The following CYTH1 variants were observed in gnomAD, a reference collection of about 807,000 sequenced individuals.
The protein encoded by CYTH1 is cytohesin 1, also known as cytohesin-1.
A neutral mutation model predicts 61.8 loss-of-function variants in CYTH1; 18 were observed. The observed-to-expected ratio is 0.29, with a 90% CI of 0.20 to 0.43. The LOEUF (loss-of-function observed/expected upper bound fraction) is 0.43. Among genes scored for constraint, CYTH1 ranks in the 20% least tolerant of loss-of-function variants. The pLI, the probability that CYTH1 is intolerant of heterozygous loss-of-function variation, is 1.00. For synonymous variants in CYTH1, 174 were observed against 184.3 expected, an observed-to-expected ratio of 0.94 and a Z score of 0.45; for missense variants, 336 against 510.5, an observed-to-expected ratio of 0.66 and a Z score of 3.29.
At chr17:78,758,994 T>C (rs1297307721) in intron 1 of CYTH1, among the ~76,000 whole-genome samples, 1 of 151,878 alleles carries the variant, frequency 6.6e-6, no homozygotes, top group Non-Finnish European at 1.5e-5. Context: ...CCCTAGCTAC[T>C]CAGGAAGCTG....
intron 1 of CYTH1, among the ~76,000 whole-genome samples, chr17:78,770,148 C>CA (rs766248056): frequency 0.012 from 1,562 of 131,498 alleles, 9 homozygotes; most frequent in Non-Finnish European, 0.018. Flanking sequence ...GACTTCGTCT[C>CA]AAAAAAAAAA....
chr17:78,761,045 A>T (rs138767654), intron 1 of CYTH1, among the ~76,000 whole-genome samples: 2,263 of 151,950 alleles, frequency 0.015, 61 homozygotes, highest in East Asian at 0.11. Context: ...CATGTTGGTC[A>T]GGCTGGTCTC....
chr17:78,756,954 G>C (rs904673387), intron 1 of CYTH1, among the ~76,000 whole-genome samples: 2 of 150,936 alleles, frequency 1.3e-5, no homozygotes, highest in African/African-American at 4.9e-5. Flanking sequence ...TTCACAAGGC[G>C]GAATTTCAAG....
At chr17:78,713,737 T>C (rs1391696912) in intron 1 of CYTH1, among the ~76,000 whole-genome samples, 2 of 149,676 alleles carry the variant, frequency 1.3e-5, no homozygotes, top group Non-Finnish European at 2.9e-5. Flanking sequence ...GTCCATATAA[T>C]GAAGCTGATG....
chr17:78,717,621 G>A lies in CYTH1; in HGVS notation c.23-7889C>T, dbSNP rs1438580844. On this transcript the variant is annotated intron_variant, in intron 1 of 13. Coordinates refer to ENST00000446868, the MANE Select transcript of CYTH1 (RefSeq NM_004762.6). This position sits in a 1 kb window ranked among gnomAD's most constrained non-coding sequence, Gnocchi z 4.4. Reference sequence around the variant, plus strand: ...GAGCCCTCTTTCCAAGCCAGAGGACGATACATGAGCACACGGCGGGCTCTA... The same window carrying A: ...GAGCCCTCTTTCCAAGCCAGAGGACAATACATGAGCACACGGCGGGCTCTA... 3.3e-5 allele frequency among the ~76,000 whole-genome samples: 5 copies of A among 152,132 alleles called. No homozygotes were observed. The highest frequency in any genetic ancestry group is 7.2e-5 in the African/African-American group (3 of 41,412).
intron 1 of CYTH1, among the ~76,000 whole-genome samples, chr17:78,722,971 T>C (rs1235241215): frequency 1.3e-5 from 2 of 152,186 alleles, no homozygotes; most frequent in East Asian, 1.9e-4. Flanking sequence ...ACTACTGGCA[T>C]GTTCCTAAGT....
intron 1 of CYTH1, among the ~76,000 whole-genome samples, chr17:78,735,620 C>T (rs1245628661): frequency 6.6e-6 from 1 of 152,218 alleles, no homozygotes; most frequent in Non-Finnish European, 1.5e-5. Context: ...CCCGTGGACA[C>T]TGTCCAGGAT....
intron 10 of CYTH1, 63 bp from the exon 11 acceptor site, chr17:78,692,556 C>T: frequency 6.8e-7 from 1 of 1,470,854 alleles, no homozygotes; most frequent in Non-Finnish European, 9.5e-7. Flanking sequence ...GGCTCCACGA[C>T]ACACACGACA....
At chr17:78,743,231 A>G (rs1401311174) in intron 1 of CYTH1, among the ~76,000 whole-genome samples, 2 of 152,220 alleles carry the variant, frequency 1.3e-5, no homozygotes, top group African/African-American at 4.8e-5. Context: ...AAACACATTA[A>G]CAATCATTAT....
At chr17:78,683,576 G>A (rs1598816422) in intron 11 of CYTH1, among the ~76,000 whole-genome samples, 1 of 152,166 alleles carries the variant, frequency 6.6e-6, no homozygotes, top group South Asian at 2.1e-4. Context: ...GGAGAAGCTG[G>A]GGGTGGGAGA....
At chr17:78,719,829 G>C (rs563860423) in intron 1 of CYTH1, among the ~76,000 whole-genome samples, 2 of 152,282 alleles carry the variant, frequency 1.3e-5, no homozygotes, top group African/African-American at 2.4e-5. Flanking sequence ...ATACACTGAA[G>C]AGTTCACACC....
chr17:78,727,085 A>G (rs1407253581), intron 1 of CYTH1, among the ~76,000 whole-genome samples: 1 of 152,242 alleles, frequency 6.6e-6, no homozygotes, highest in East Asian at 1.9e-4. Context: ...AAAGCGGAAA[A>G]TGAGGCACAA....
intron 3 of CYTH1, 137 bp downstream of exon 3, chr17:78,708,060 G>T: frequency 2.5e-6 from 2 of 791,990 alleles, no homozygotes; most frequent in Non-Finnish European, 4.2e-6. Flanking sequence ...AGACATTATG[G>T]GTGTGTATGT....
Position 78,721,650 on chromosome 17 carries a change from C to A in CYTH1, c.23-11918G>T, listed in dbSNP as rs2093229707. On this transcript the variant is annotated intron_variant, in intron 1 of 13. Coordinates refer to ENST00000446868, the MANE Select transcript of CYTH1 (RefSeq NM_004762.6). ...AGGCGATGCTGCCTGGGCTTTCACT[C>A]ACTACTTTGTGACCTGGAGCAAACA... Among the ~76,000 whole-genome samples, 4 of 152,224 alleles carry A rather than the reference C, an allele frequency of 2.6e-5. No homozygotes were observed. The South Asian group carries it at 8.3e-4, about 32-fold the overall frequency.
intron 1 of CYTH1, among the ~76,000 whole-genome samples, chr17:78,769,493 C>A (rs894666398): frequency 1.4e-4 from 21 of 152,300 alleles, no homozygotes; most frequent in African/African-American, 4.8e-4. Flanking sequence ...TCTCCCCTGG[C>A]CAATCCAGTG....
At chr17:78,769,303 T>C (rs1555616529) in intron 1 of CYTH1, among the ~76,000 whole-genome samples, 1 of 152,000 alleles carries the variant, frequency 6.6e-6, no homozygotes, top group Non-Finnish European at 1.5e-5. Context: ...CTCCTCCCTC[T>C]GCTCACAGCC....
intron 1 of CYTH1, among the ~76,000 whole-genome samples, chr17:78,748,153 G>A (rs1201311899): frequency 2.6e-5 from 4 of 151,988 alleles, no homozygotes; most frequent in South Asian, 4.1e-4. Context: ...CCCACACACC[G>A]GAAACAAACT....
At chr17:78,710,466 C>A (rs2093117551) in intron 1 of CYTH1, among the ~76,000 whole-genome samples, 1 of 152,184 alleles carries the variant, frequency 6.6e-6, no homozygotes, top group African/African-American at 2.4e-5. Context: ...TCTCCCCCAC[C>A]TATACCAACA....
At chr17:78,750,810 A>G (rs536661724) in intron 1 of CYTH1, among the ~76,000 whole-genome samples, 1 of 152,034 alleles carries the variant, frequency 6.6e-6, no homozygotes, top group African/African-American at 2.4e-5. Flanking sequence ...TCAAAAAAAA[A>G]AAAAACAAAA....
Sources: allele counts gnomAD v4.1 joint callset (sites outside exome capture counted in the v4.1 genomes callset), GRCh38; gene constraint gnomAD v4.1.1; non-coding constraint Gnocchi (gnomAD v3.1); transcripts MANE v1.5; gene names NCBI Gene and HGNC (gene_info 2026-07-23, HGNC 2026-07-21).